DAB1: variants seen among roughly 807,000 people sequenced by gnomAD.
DAB1 encodes disabled homolog 1.
In DAB1, 15 loss-of-function variants were observed where a neutral mutation model predicts 64.6. That is an observed-to-expected ratio of 0.23 (90% CI 0.16 to 0.36). DAB1 has a LOEUF of 0.36. Ranked by LOEUF, DAB1 falls within the 10% of genes least tolerant of loss-of-function variation. The probability of loss-of-function intolerance (pLI) is 1.00; values close to 1 mark genes in which losing one functional copy is unlikely to be tolerated. For synonymous variants in DAB1, 235 were observed against 251.9 expected (o/e 0.93, Z 0.64); for missense variants, 596 against 706.7 (o/e 0.84, Z 1.78).
At chr1:57,905,537 T>A (rs796414985) in intron 5 of DAB1, among the ~76,000 whole-genome samples, 1 of 152,106 alleles carries the variant, frequency 6.6e-6, no homozygotes, top group South Asian at 2.1e-4. Flanking sequence ...GAGAGAAACA[T>A]GTTAGCTGGA....
chr1:57,490,424 T>C (rs1421349662), intron 7 of DAB1, among the ~76,000 whole-genome samples: 2 of 152,186 alleles, frequency 1.3e-5, no homozygotes, highest in East Asian at 3.9e-4. Flanking sequence ...CAGCAATAAT[T>C]ATAATTTGGT....
chr1:58,225,439 T>C (rs1659414867), intron 4 of DAB1, among the ~76,000 whole-genome samples: 1 of 151,926 alleles, frequency 6.6e-6, no homozygotes, highest in Non-Finnish European at 1.5e-5. Flanking sequence ...AAATACCATT[T>C]GACCCAGCCA....
At chr1:58,142,887 G>C (rs1229610349) in intron 5 of DAB1, among the ~76,000 whole-genome samples, 1 of 152,078 alleles carries the variant, frequency 6.6e-6, no homozygotes, top group Non-Finnish European at 1.5e-5. Flanking sequence ...AGAATCAGTT[G>C]CCTGAACTTC....
rs573977260 is a variant in DAB1 at position 58,477,876 on chromosome 1, C to T, written n.257+28184G>A. Among the ~76,000 whole-genome samples the T allele has an allele frequency of 9.2e-5, 14 of 152,224 alleles. No homozygotes were observed. In the East Asian group the frequency reaches 2.7e-3, roughly 29 times the overall value. ...TCCTCTGTTCTTACAAGTAAAAAAA[C>T]CTTAAGAAATACACCATGTACCCTT... On this transcript the variant is annotated intron_variant and non_coding_transcript_variant, in intron 3 of 20. Transcript: ENST00000485760.
At chr1:58,474,488 C>G (rs1302906514) in intron 3 of DAB1, among the ~76,000 whole-genome samples, 1 of 152,104 alleles carries the variant, frequency 6.6e-6, no homozygotes, top group African/African-American at 2.4e-5. Context: ...CAGGTCAAAG[C>G]TGGTGGCCCA....
chr1:57,642,623 C>T lies in DAB1; in HGVS notation n.625+6969G>A, dbSNP rs769145983. Among the ~76,000 whole-genome samples the T allele has an allele frequency of 5.3e-5, 8 of 152,194 alleles. No individual in the cohort carries two copies. The South Asian group carries it at 1.0e-3, about 20-fold the overall frequency. ...CCAACGCTAAAAATAAAAATATTCACGTTACAACTCCATCCGTTGCCTGGA... is the reference window on the plus strand; with the variant it reads ...CCAACGCTAAAAATAAAAATATTCATGTTACAACTCCATCCGTTGCCTGGA... On this transcript the variant is annotated intron_variant and non_coding_transcript_variant, in intron 7 of 20. Transcript: ENST00000485760.
In DAB1 at chr1:57,862,270, G is replaced by A. The variant is rs528031313; in HGVS notation, n.87+21729C>T. Among the ~76,000 whole-genome samples, 4 of 152,232 alleles carry A rather than the reference G, an allele frequency of 2.6e-5. No homozygotes were observed. The East Asian group carries it at 7.7e-4, about 29-fold the overall frequency. ...CACATTGGTAAATTGAGGAAACAAAGTCACCTTTCACAACAACTTCATGAA... is the reference window on the plus strand; with the variant it reads ...CACATTGGTAAATTGAGGAAACAAAATCACCTTTCACAACAACTTCATGAA... On this transcript the variant is annotated intron_variant and non_coding_transcript_variant, in intron 1 of 1. Coordinates refer to the DAB1 transcript ENST00000477280.
At chr1:58,340,211 A>G (rs920079281) in intron 4 of DAB1, among the ~76,000 whole-genome samples, 1 of 152,198 alleles carries the variant, frequency 6.6e-6, no homozygotes, top group Non-Finnish European at 1.5e-5. Context: ...AACTCCTGCT[A>G]TAGCGGTTTT....
chr1:57,859,884 T>C (rs1653931919), intron 1 of DAB1, among the ~76,000 whole-genome samples: 1 of 152,190 alleles, frequency 6.6e-6, no homozygotes, highest in South Asian at 2.1e-4. Flanking sequence ...GACAAAGACC[T>C]CTAATAAACC....
rs117822359 is a variant in DAB1 at position 57,647,124 on chromosome 1, C to T, written n.625+2468G>A. Among the ~76,000 whole-genome samples the T allele has an allele frequency of 4.7e-4, 71 of 152,324 alleles. 1 individual carries two copies. In the East Asian group the frequency reaches 0.013, roughly 27 times the overall value. On this transcript the variant is annotated intron_variant and non_coding_transcript_variant, in intron 7 of 20. Coordinates refer to the DAB1 transcript ENST00000485760. ...TGGAGTCACTGTACTGCTCCATATT[C>T]TACATGCTTGTTGCCAGGGCTACTG...
rs199915235 is a variant in DAB1 at position 57,160,278 on chromosome 1, T to C, written c.68-14849A>G. 3.0e-4 allele frequency among the ~76,000 whole-genome samples: 45 copies of C among 152,354 alleles called. 2 individuals are homozygous for C. The East Asian group carries it at 8.3e-3, about 28-fold the overall frequency. On this transcript the variant is annotated intron_variant, in intron 2 of 14. Transcript: ENST00000371236. ...ACAATATGTAAGTTCTTTTTCATTGTCCTTTTGTTCCTCACAGCCACCTAG... is the reference window on the plus strand; with the variant it reads ...ACAATATGTAAGTTCTTTTTCATTGCCCTTTTGTTCCTCACAGCCACCTAG...
intron 5 of DAB1, among the ~76,000 whole-genome samples, chr1:57,894,134 G>A (rs1644358360): frequency 6.6e-6 from 1 of 152,152 alleles, no homozygotes. Context: ...AAGACCCCAG[G>A]TCGAAAGGTC....
At chr1:57,663,339 C>T (rs977164109) in intron 6 of DAB1, among the ~76,000 whole-genome samples, 2 of 152,118 alleles carry the variant, frequency 1.3e-5, no homozygotes, top group African/African-American at 2.4e-5. Flanking sequence ...TACAATTTGA[C>T]GTGAGATTTT....
At chr1:57,051,450 G>T (rs114831821) in intron 9 of DAB1, among the ~76,000 whole-genome samples, 19 of 152,170 alleles carry the variant, frequency 1.2e-4, no homozygotes, top group South Asian at 6.2e-4. Context: ...TGGGAGTTGT[G>T]GGGGGGAAGT....
intron 2 of DAB1, among the ~76,000 whole-genome samples, chr1:57,266,156 A>T (rs1328922685): frequency 6.6e-6 from 1 of 152,224 alleles, no homozygotes; most frequent in Non-Finnish European, 1.5e-5. Context: ...AGGCTATCAG[A>T]AAAAGGGGAG....
intron 5 of DAB1, among the ~76,000 whole-genome samples, chr1:58,099,872 T>C (rs1215613211): frequency 6.6e-6 from 1 of 152,186 alleles, no homozygotes; most frequent in East Asian, 1.9e-4. Context: ...ACCACTCTGG[T>C]CTGTCTTATC....
intron 4 of DAB1, among the ~76,000 whole-genome samples, chr1:57,082,346 C>G (rs540270276): frequency 6.6e-6 from 1 of 152,126 alleles, no homozygotes; most frequent in Non-Finnish European, 1.5e-5. Flanking sequence ...AGACCTTTAT[C>G]ACTTCCACTT....
intron 3 of DAB1, chr1:58,415,498 CA>C: frequency 4.1e-6 from 1 of 241,984 alleles, no homozygotes; most frequent in Non-Finnish European, 6.7e-6. Flanking sequence ...AGAAAGGAGA[CA>C]AAAATGGATT....
rs78814614 is a variant in DAB1 at position 58,252,304 on chromosome 1, C to A, written n.309+91048G>T. Among the ~76,000 whole-genome samples the A allele has an allele frequency of 2.3e-3, 347 of 152,194 alleles. 1 individual carries two copies. The highest frequency in any genetic ancestry group is 7.9e-3 in the African/African-American group (327 of 41,530). Reference sequence around the variant, plus strand: ...GATGCTTGCATTAGTAATGCCAGCCCCTGAACCCATCTGTCTTTTTCTCAA... The same window carrying A: ...GATGCTTGCATTAGTAATGCCAGCCACTGAACCCATCTGTCTTTTTCTCAA... On this transcript the variant is annotated intron_variant and non_coding_transcript_variant, in intron 4 of 20. Transcript: ENST00000485760.
Sources: gnomAD v4.1 joint callset for allele counts (sites outside exome capture counted in the v4.1 genomes callset) on GRCh38, gnomAD v4.1.1 for gene constraint, MANE v1.5 for transcripts, NCBI Gene and HGNC (gene_info 2026-07-23, HGNC 2026-07-21) for gene names.